The following ATG16L2 variants were observed in gnomAD, a reference collection of about 807,000 sequenced individuals.
ATG16L2 encodes the protein protein Atg16l2.
Under a neutral mutation model 84.7 loss-of-function variants are expected in ATG16L2, and 77 were observed. The ratio of observed to expected loss-of-function variants is 0.91; its 90% CI spans 0.76 to 1.10. ATG16L2 has a LOEUF of 1.10. Ranked by LOEUF, ATG16L2 falls within the 50% of genes least tolerant of loss-of-function variation. The pLI, the probability that ATG16L2 is intolerant of heterozygous loss-of-function variation, is 0.00. For missense variants in ATG16L2, 782 were observed against 817.6 expected, an observed-to-expected ratio of 0.96 and a Z score of 0.53; for synonymous variants, 361 against 342.8, an observed-to-expected ratio of 1.05 and a Z score of -0.59.
At chr11:72,841,466 G>A (rs1860941116) in intron 5 of ATG16L2, 2 of 1,610,904 alleles carry the variant, frequency 1.2e-6, no homozygotes, top group African/African-American at 2.7e-5. Flanking sequence ...TTTGCTGAAG[G>A]AGACCGGGGA....
rs767460946 is a variant in ATG16L2, at chr11:72,822,216, C to T, written c.565C>T (p.Arg189Cys). The T allele has an allele frequency of 8.0e-5, 121 of 1,505,052 alleles. No homozygotes were observed. In the Middle Eastern group the frequency reaches 1.1e-3, roughly 14 times the overall value. The allele number at this position is 1,505,052 out of a possible 1,614,324, so 93.2% of individuals were successfully genotyped here. Residue 189 changes from arginine (R) to cysteine (C), a missense_variant, in exon 5 of 18, where the codon CGC becomes TGC. Physicochemically the swap from Arg to Cys is radical, Grantham distance 180. Transcript: ENST00000321297. The surrounding 1 kb of genome is among the most constrained non-coding windows in gnomAD (Gnocchi z 4.2). ...ACTGCGCAGGCTCCAGGAAGAGGCG[C>T]GCGACCTGCTGGAGAGGCTCGTGCA... ...AALRRLQEEA[R>C]DLLERLVQRK... is the part of the protein sequence containing the mutation.
Position 72,822,685 on chromosome 11 carries a change from G to A in ATG16L2, c.710+142G>A. The A allele has an allele frequency of 1.7e-6, 2 of 1,196,358 alleles. No individual in the cohort carries two copies. The highest frequency in any genetic ancestry group is 2.4e-6 in the Non-Finnish European group (2 of 849,986). The allele number at this position is 1,196,358 out of a possible 1,614,324, so 74.1% of individuals were successfully genotyped here. A position where few individuals can be genotyped will look rare whatever the true frequency, so the allele number is the denominator to read the frequency against. On this transcript the variant is annotated intron_variant, in intron 6 of 17. Transcript: ENST00000321297. This position sits in a 1 kb window ranked among gnomAD's most constrained non-coding sequence, Gnocchi z 4.2. ...GGTCGGAGCCCACGAGACACCTGCA[G>A]AGGACCGTGTGGTCGTAGGAGCCTG...
chr11:72,824,478 A>AC (rs926267754), intron 8 of ATG16L2: 5 of 560,278 alleles, frequency 8.9e-6, no homozygotes, highest in Non-Finnish European at 1.6e-5. Flanking sequence ...TGGGATTGAA[A>AC]CCCCGGCCCT....
At position 72,824,715 on chromosome 11, in the gene ATG16L2, C is replaced by T. The variant is rs752636491; in HGVS notation, c.888-19C>T. The T allele has an allele frequency of 6.2e-6, 10 of 1,606,850 alleles. No homozygotes were observed. The African/African-American group carries it at 9.4e-5, about 15-fold the overall frequency. ...GGACTTGCTGAATGCCCTCCTGACC[C>T]CAACCCACCTTACCCCAGTTTTAAG... On this transcript the variant is annotated intron_variant, in intron 8 of 17. Transcript: ENST00000321297.
rs896553010 is a variant in ATG16L2 at position 72,822,367 on chromosome 11, G to T, written c.644+72G>T. 2 of 1,570,580 alleles carry T rather than the reference G, an allele frequency of 1.3e-6. No homozygotes were observed. Among genetic ancestry groups the T allele is most frequent in the Non-Finnish European group, 8.6e-7 (1 of 1,159,208 alleles). On this transcript the variant is annotated intron_variant, in intron 5 of 17. Transcript: ENST00000321297. This position sits in a 1 kb window ranked among gnomAD's most constrained non-coding sequence, Gnocchi z 4.2. Reference sequence around the variant, plus strand: ...CAGGGAGGAGTCGGGCCTCGCCGGTGTCTGGAAGGGAGGGGGGCAGCAGCC... The same window carrying T: ...CAGGGAGGAGTCGGGCCTCGCCGGTTTCTGGAAGGGAGGGGGGCAGCAGCC...
exon 6 of ATG16L2, chr11:72,842,887 G>A (rs750992653): frequency 9.3e-6 from 14 of 1,501,112 alleles, no homozygotes; most frequent in South Asian, 3.5e-5. Flanking sequence ...ATTAACAGCC[G>A]GTTGCTTTTG....
chr11:72,819,521 G>A (rs1859859026), intron 3 of ATG16L2, among the ~76,000 whole-genome samples: 1 of 152,194 alleles, frequency 6.6e-6, no homozygotes, highest in Non-Finnish European at 1.5e-5. Flanking sequence ...TACTACCTCT[G>A]TCCCCATGGT....
intron 14 of ATG16L2, 125 bp from the exon 15 acceptor site, chr11:72,828,234 C>A (rs374206026): frequency 4.7e-6 from 5 of 1,066,098 alleles, no homozygotes; most frequent in Non-Finnish European, 6.8e-6. Flanking sequence ...TTTACCCCAG[C>A]GATCCAGGGC....
rs1424465986 is a variant in ATG16L2, at chr11:72,829,338, G to T, written c.1808G>T (p.Gly603Val). 6.2e-7 allele frequency: 1 copy of T among 1,613,116 alleles called. No individual in the cohort carries two copies. Residue 603 changes from glycine (G) to valine (V), a missense_variant, in exon 18 of 18, where the codon GGG becomes GTG. Coordinates refer to ENST00000321297, the MANE Select transcript of ATG16L2 (RefSeq NM_033388.2). ...AVNAVAWCYS[G>V]SHMVSVDQGR... is the part of the protein sequence containing the mutation. Reference sequence around the variant, plus strand: ...AACGCCGTGGCCTGGTGCTACTCCGGGAGCCACATGGTGAGCGTGGACCAG... The same window carrying T: ...AACGCCGTGGCCTGGTGCTACTCCGTGAGCCACATGGTGAGCGTGGACCAG...
At chr11:72,820,646 A>G (rs1052275999) in intron 3 of ATG16L2, among the ~76,000 whole-genome samples, 1 of 152,184 alleles carries the variant, frequency 6.6e-6, no homozygotes, top group Non-Finnish European at 1.5e-5. Flanking sequence ...GCGTCATGTC[A>G]GTGCAGGTGG....
At chr11:72,826,049 G>A in intron 10 of ATG16L2, 124 bp from the exon 11 acceptor site, 1 of 774,606 alleles carries the variant, frequency 1.3e-6, no homozygotes, top group Admixed American at 2.5e-5. Flanking sequence ...CAGCGATTCT[G>A]TCTTCTAACC....
At chr11:72,843,218 C>T (rs1183975283) in exon 6 of ATG16L2, 2 of 1,613,990 alleles carry the variant, frequency 1.2e-6, no homozygotes, top group Admixed American at 3.3e-5. Context: ...ACGTGTGTGA[C>T]CGACTGTCCA....
Position 72,822,087 on chromosome 11 carries a change from C to G in ATG16L2, c.436C>G (p.Arg146Gly), listed in dbSNP as rs745808792. The change falls in exon 5 of 18, where the codon CGG becomes GGG. Residue 146 changes from arginine (R) to glycine (G), a missense_variant. By Grantham distance (125) the Arg-to-Gly change is moderately radical (BLOSUM62 -2). Coordinates refer to ENST00000321297, the MANE Select transcript of ATG16L2 (RefSeq NM_033388.2). This position sits in a 1 kb window ranked among gnomAD's most constrained non-coding sequence, Gnocchi z 4.2. The part of the protein sequence containing the change: ...EARVAQLREA[R>G]AQQAQQVEEW... ...CCGCGTGGCGCAGCTGCGAGAGGCG[C>G]GGGCGCAGCAGGCCCAGCAGGTGGA... is the stretch of plus-strand genomic sequence containing the variant. The G allele has an allele frequency of 3.2e-6, 5 of 1,541,670 alleles. No individual in the cohort carries two copies. The highest frequency in any genetic ancestry group is 4.3e-6 in the Non-Finnish European group (5 of 1,155,422).
rs1418421198 is a variant in ATG16L2, at chr11:72,826,506, C to T, written c.1174-12C>T. 1 of 1,613,998 alleles carries T rather than the reference C, an allele frequency of 6.2e-7. No individual in the cohort carries two copies. Among genetic ancestry groups the T allele is most frequent in the African/African-American group, 1.3e-5 (1 of 75,036 alleles). On this transcript the variant is annotated splice_polypyrimidine_tract_variant and intron_variant, in intron 11 of 17. Coordinates refer to ENST00000321297, the MANE Select transcript of ATG16L2 (RefSeq NM_033388.2). ...GGCTTAGCACCTCTCACTTCCTCTCCCATTTCTCCAGGGCTACCAGGTTTT... is the reference window on the plus strand; with the variant it reads ...GGCTTAGCACCTCTCACTTCCTCTCTCATTTCTCCAGGGCTACCAGGTTTT...
chr11:72,826,153 C>T lies in ATG16L2; in HGVS notation c.1103-20C>T. The T allele has an allele frequency of 6.2e-7, 1 of 1,607,208 alleles. No homozygotes were observed. Among genetic ancestry groups the T allele is most frequent in the Non-Finnish European group, 8.5e-7 (1 of 1,175,340 alleles). On this transcript the variant is annotated intron_variant, in intron 10 of 17. Coordinates refer to ENST00000321297, the MANE Select transcript of ATG16L2 (RefSeq NM_033388.2). ...AGGTTAAGACCTCATTTCAACTGTC[C>T]CTTCCCCTGGTCCTCCCAGGTCGCC...
chr11:72,828,954 A>C lies in ATG16L2; in HGVS notation c.1742A>C (p.Lys581Thr). 1 of 1,614,066 alleles carries C rather than the reference A, an allele frequency of 6.2e-7. No individual in the cohort carries two copies. Among genetic ancestry groups the C allele is most frequent in the Non-Finnish European group, 8.5e-7 (1 of 1,180,008 alleles). ...TACATCTGGGATGTGGACACCGGGA[A>C]ACTGGAGAGCAGACTACAGGGACCC... is the stretch of plus-strand genomic sequence containing the variant. ...ALYIWDVDTG[K>T]LESRLQGPHC... The change falls in exon 17 of 18, where the codon AAA becomes ACA. Residue 581 changes from lysine (K) to threonine (T), a missense_variant. Lys to Thr is a moderately conservative substitution (Grantham distance 78). Coordinates refer to ENST00000321297, the MANE Select transcript of ATG16L2 (RefSeq NM_033388.2).
intron 3 of ATG16L2, 132 bp downstream of exon 3, chr11:72,817,987 G>T (rs1859789191): frequency 1.2e-6 from 1 of 844,488 alleles, no homozygotes; most frequent in South Asian, 1.7e-5. Flanking sequence ...CCTAGTGTGT[G>T]CCAGGCCCTG....
At chr11:72,834,415 T>A (rs1430359697), downstream of ATG16L2, among the ~76,000 whole-genome samples, 3 of 152,078 alleles carry the variant, frequency 2.0e-5, no homozygotes, top group African/African-American at 7.2e-5. Context: ...AGCGGGAGAG[T>A]CCAGTGGCTT....
intron 5 of ATG16L2, chr11:72,838,087 C>T (rs932836969): frequency 1.3e-5 from 2 of 152,210 alleles, no homozygotes; most frequent in African/African-American, 4.8e-5. Context: ...ATGTGATGAA[C>T]AAGATGTGGC....
Sources: gnomAD v4.1 joint callset for allele counts (sites outside exome capture counted in the v4.1 genomes callset) on GRCh38, gnomAD v4.1.1 for gene constraint, Gnocchi (gnomAD v3.1) non-coding constraint, MANE v1.5 for transcripts, NCBI Gene and HGNC (gene_info 2026-07-23, HGNC 2026-07-21) for gene names.